The following SLC6A6 variants were observed in gnomAD, a reference collection of about 807,000 sequenced individuals.
SLC6A6 encodes the protein solute carrier family 6 member 6.
SLC6A6 carries 16 observed loss-of-function variants against 68.8 expected under a neutral mutation model. The ratio of observed to expected loss-of-function variants is 0.23; its 90% CI spans 0.16 to 0.35. SLC6A6 has a LOEUF of 0.35. Among genes scored for constraint, SLC6A6 ranks in the 10% least tolerant of loss-of-function variants. The pLI is 1.00. For synonymous variants in SLC6A6, 312 were observed against 315.4 expected (o/e 0.99, Z 0.12); for missense variants, 474 against 802.8 (o/e 0.59, Z 4.95).
chr3:14,480,262 T>C (rs1700977563), intron 13 of SLC6A6, among the ~76,000 whole-genome samples: 2 of 152,210 alleles, frequency 1.3e-5, no homozygotes, highest in African/African-American at 4.8e-5. Flanking sequence ...ACCACAACAA[T>C]TGGTGAGTTT....
intron 6 of SLC6A6, 83 bp from the exon 7 acceptor site, chr3:14,466,433 C>T (rs957366249): frequency 4.1e-6 from 6 of 1,467,402 alleles, no homozygotes; most frequent in East Asian, 4.6e-5. Flanking sequence ...ACCAGTGCTC[C>T]CCTCTGCCTC....
intron 6 of SLC6A6, among the ~76,000 whole-genome samples, chr3:14,462,289 G>A (rs989811484): frequency 6.6e-6 from 1 of 152,208 alleles, no homozygotes; most frequent in African/African-American, 2.4e-5. Flanking sequence ...CAGGGGGCTC[G>A]ATGAGCTTAG....
At chr3:14,447,196 CATCT>C (rs1285296170) in intron 4 of SLC6A6, among the ~76,000 whole-genome samples, 1 of 151,934 alleles carries the variant, frequency 6.6e-6, no homozygotes, top group African/African-American at 2.4e-5. Context: ...TTCATTCATC[CATCT>C]ATTTATCTCA....
At chr3:14,462,122 C>G (rs1700509895) in intron 6 of SLC6A6, among the ~76,000 whole-genome samples, 1 of 152,216 alleles carries the variant, frequency 6.6e-6, no homozygotes, top group South Asian at 2.1e-4. Flanking sequence ...CCAGAGGCCC[C>G]TGGCAGCAGC....
intron 2 of SLC6A6, among the ~76,000 whole-genome samples, chr3:14,435,589 G>A (rs1431564821): frequency 3.3e-5 from 5 of 152,196 alleles, no homozygotes; most frequent in Non-Finnish European, 7.3e-5. Flanking sequence ...TGACCTCACC[G>A]GGACAAGCCA....
intron 2 of SLC6A6, 143 bp from the exon 3 acceptor site, chr3:14,443,481 T>C (rs951906405): frequency 6.8e-5 from 42 of 617,398 alleles, no homozygotes; most frequent in Admixed American, 2.5e-4. Context: ...TGTCAAAGCA[T>C]TGGACAGACA....
At chr3:14,419,636 G>A (rs1215304160) in intron 2 of SLC6A6, among the ~76,000 whole-genome samples, 5 of 152,176 alleles carry the variant, frequency 3.3e-5, no homozygotes, top group Admixed American at 2.0e-4. Context: ...GAGCAATAGT[G>A]GCACCCAGGA....
chr3:14,458,702 C>A (rs1700426494), intron 6 of SLC6A6, among the ~76,000 whole-genome samples: 1 of 152,240 alleles, frequency 6.6e-6, no homozygotes, highest in Non-Finnish European at 1.5e-5. Context: ...ATCAGATTAA[C>A]TGAGTTATAA....
chr3:14,484,317 TAAA>T (rs1257932811), intron 14 of SLC6A6, among the ~76,000 whole-genome samples: 4 of 152,204 alleles, frequency 2.6e-5, no homozygotes, highest in Non-Finnish European at 4.4e-5. Flanking sequence ...CCTTAAGATG[TAAA>T]CCCTGCTGGG....
intron 1 of SLC6A6, among the ~76,000 whole-genome samples, chr3:14,409,479 C>G (rs989388621): frequency 3.3e-5 from 5 of 152,258 alleles, no homozygotes; most frequent in Non-Finnish European, 5.9e-5. Flanking sequence ...AGCCCACACT[C>G]AGCTAGGAAA....
At position 14,462,112 on chromosome 3, in the gene SLC6A6, C is replaced by A. The variant is rs551268306; in HGVS notation, c.732+4030C>A. Among the ~76,000 whole-genome samples the A allele has an allele frequency of 3.3e-5, 5 of 152,336 alleles. No individual in the cohort carries two copies. In the East Asian group the frequency reaches 9.6e-4, roughly 29 times the overall value. On this transcript the variant is annotated intron_variant, in intron 6 of 14. Transcript: ENST00000622186. ...CACAGCAAGGCCTGCTGGGCCACCA[C>A]CAGAGGCCCCTGGCAGCAGCTAGCA...
intron 4 of SLC6A6, among the ~76,000 whole-genome samples, chr3:14,447,267 AACATCCAAC>A (rs1700146698): frequency 2.4e-5 from 3 of 122,524 alleles, no homozygotes; most frequent in African/African-American, 8.8e-5. Flanking sequence ...CATCCATCCA[AACATCCAAC>A]CATCCAACCA....
In SLC6A6 at chr3:14,407,559, G is replaced by A. The variant is rs983649028; in HGVS notation, c.-54+4712G>A. Among the ~76,000 whole-genome samples, 84 of 150,192 alleles carry A rather than the reference G, an allele frequency of 5.6e-4. 3 individuals are homozygous for A. Among genetic ancestry groups the A allele is most frequent in the Admixed American group, 5.3e-3 (80 of 15,038 alleles). On this transcript the variant is annotated intron_variant, in intron 1 of 14. Coordinates refer to ENST00000622186, the MANE Select transcript of SLC6A6 (RefSeq NM_003043.6). Reference sequence around the variant, plus strand: ...GTCTTATTCTGTTTCCCAGGCTGGAGTGCAGTGGCATGATCTCTACTGCAG... The same window carrying A: ...GTCTTATTCTGTTTCCCAGGCTGGAATGCAGTGGCATGATCTCTACTGCAG...
intron 9 of SLC6A6, among the ~76,000 whole-genome samples, chr3:14,471,067 G>A (rs577969301): frequency 8.8e-5 from 13 of 147,894 alleles, no homozygotes; most frequent in South Asian, 2.1e-4. Context: ...TGAGCCATTC[G>A]TCTGGTTTCT....
chr3:14,413,944 T>G (rs1189467560), intron 1 of SLC6A6, among the ~76,000 whole-genome samples: 1 of 152,216 alleles, frequency 6.6e-6, no homozygotes, highest in Non-Finnish European at 1.5e-5. Flanking sequence ...TTTTTTTTAT[T>G]TATTTATTTT....
intron 2 of SLC6A6, 72 bp downstream of exon 2, chr3:14,416,525 A>T (rs1015402015): frequency 4.5e-5 from 18 of 398,356 alleles, no homozygotes; most frequent in Non-Finnish European, 7.5e-5. Context: ...TGGGGGGCTC[A>T]GGAGCTCCGT....
intron 2 of SLC6A6, among the ~76,000 whole-genome samples, chr3:14,418,581 A>T (rs1331104611): frequency 6.6e-6 from 1 of 152,158 alleles, no homozygotes; most frequent in East Asian, 1.9e-4. Context: ...AATAATAATG[A>T]TTGCTACCGC....
intron 2 of SLC6A6, among the ~76,000 whole-genome samples, chr3:14,435,185 T>C (rs1411601594): frequency 6.6e-6 from 1 of 152,192 alleles, no homozygotes; most frequent in African/African-American, 2.4e-5. Context: ...GTGCAAATCC[T>C]GGCCCACTGT....
Position 14,468,347 on chromosome 3 carries a change from C to A in SLC6A6, c.1096+135C>A. The A allele has an allele frequency of 2.8e-6, 2 of 717,410 alleles. No homozygotes were observed. Among genetic ancestry groups the A allele is most frequent in the South Asian group, 2.3e-5 (1 of 43,624 alleles). The allele number at this position is 717,410 out of a possible 1,614,324, so 44.4% of individuals were successfully genotyped here. Reference sequence around the variant, plus strand: ...GTTTCTAAAATGGACCCCCCCCCCGCCACCAAGATATCCCCCAAATTTCAA... The same window carrying A: ...GTTTCTAAAATGGACCCCCCCCCCGACACCAAGATATCCCCCAAATTTCAA... On this transcript the variant is annotated intron_variant, in intron 9 of 14. Coordinates refer to ENST00000622186, the MANE Select transcript of SLC6A6 (RefSeq NM_003043.6). The surrounding 1 kb of genome is among the most constrained non-coding windows in gnomAD (Gnocchi z 4.5).
Sources: allele counts gnomAD v4.1 joint callset (sites outside exome capture counted in the v4.1 genomes callset), GRCh38; gene constraint gnomAD v4.1.1; non-coding constraint Gnocchi (gnomAD v3.1); transcripts MANE v1.5; gene names NCBI Gene and HGNC (gene_info 2026-07-23, HGNC 2026-07-21).